Variants in ELOVL5 observed in about 807,000 individuals in gnomAD.
ELOVL5 encodes very long chain fatty acid elongase 5.
ELOVL5 carries 8 observed loss-of-function variants against 38.6 expected under a neutral mutation model. That is an observed-to-expected ratio of 0.21 (90% CI 0.12 to 0.37). The LOEUF (loss-of-function observed/expected upper bound fraction) is 0.37. Among genes scored for constraint, ELOVL5 ranks in the 10% least tolerant of loss-of-function variants. The pLI, the probability that ELOVL5 is intolerant of heterozygous loss-of-function variation, is 1.00. For synonymous variants in ELOVL5, 127 were observed against 133.7 expected (o/e 0.95, Z 0.34); for missense variants, 280 against 367.8 (o/e 0.76, Z 1.95).
intron 3 of ELOVL5, among the ~76,000 whole-genome samples, chr6:53,287,066 ATAAAAAT>A (rs530885782): frequency 5.8e-4 from 88 of 152,364 alleles, no homozygotes; most frequent in Admixed American, 1.5e-3. Context: ...ACAATTTAAA[ATAAAAAT>A]TGAAAAGGGG....
rs150971995 is a variant in ELOVL5, at chr6:53,278,501, T to C, written c.247-2245A>G. The stretch of plus-strand genomic sequence containing the variant: ...GTGGGATTGCCTTGACTCTTTAAAC[T>C]AGTTAACCTAACGTTCCATTTGCCC... On this transcript the variant is annotated intron_variant, in intron 3 of 7. Transcript: ENST00000304434. Among the ~76,000 whole-genome samples the C allele has an allele frequency of 2.0e-5, 3 of 152,328 alleles. No homozygotes were observed. In the East Asian group the frequency reaches 5.8e-4, roughly 29 times the overall value.
At chr6:53,304,640 G>A (rs907882691) in intron 1 of ELOVL5, among the ~76,000 whole-genome samples, 2 of 152,116 alleles carry the variant, frequency 1.3e-5, no homozygotes, top group Non-Finnish European at 2.9e-5. Flanking sequence ...CAACGAGCAT[G>A]CTGCCTTCAA....
chr6:53,276,083 TG>T, intron 4 of ELOVL5, 95 bp downstream of exon 4: 1 of 765,640 alleles, frequency 1.3e-6, no homozygotes, highest in Non-Finnish European at 2.2e-6. Flanking sequence ...AGGGATTGCC[TG>T]GGCAGTGAGG....
intron 1 of ELOVL5, among the ~76,000 whole-genome samples, chr6:53,308,053 A>G (rs1203786119): frequency 2.0e-5 from 3 of 152,172 alleles, no homozygotes; most frequent in Non-Finnish European, 4.4e-5. Flanking sequence ...TATTGCCTGA[A>G]TTCATATAGT....
intron 1 of ELOVL5, among the ~76,000 whole-genome samples, chr6:53,302,570 T>G (rs1290401970): frequency 6.6e-6 from 1 of 152,110 alleles, no homozygotes; most frequent in Non-Finnish European, 1.5e-5. Flanking sequence ...GTGACAAAGC[T>G]GCCCAGCAAA....
chr6:53,270,836 T>G, intron 6 of ELOVL5, 109 bp from the exon 7 acceptor site: 1 of 1,259,062 alleles, frequency 7.9e-7, no homozygotes, highest in Non-Finnish European at 1.1e-6. Context: ...TAACACTTAC[T>G]ACCCTTGCTG....
At chr6:53,269,324 G>GC in intron 7 of ELOVL5, 54 bp from the exon 8 acceptor site, 1 of 1,433,726 alleles carries the variant, frequency 7.0e-7, no homozygotes, top group Non-Finnish European at 9.4e-7. Context: ...TCTTTATAGG[G>GC]AACTTTACTG....
chr6:53,287,278 CTG>C (rs1581934088), intron 3 of ELOVL5, among the ~76,000 whole-genome samples: 2 of 152,328 alleles, frequency 1.3e-5, no homozygotes, highest in East Asian at 3.9e-4. Flanking sequence ...ATAATCTTGT[CTG>C]TAACCCATGA....
chr6:53,272,981 G>A (rs1306281612), intron 6 of ELOVL5, among the ~76,000 whole-genome samples: 1 of 152,180 alleles, frequency 6.6e-6, no homozygotes, highest in African/African-American at 2.4e-5. Flanking sequence ...ACTTGAAGTT[G>A]GCAAATTAGA....
chr6:53,305,310 C>T (rs1478573550), intron 1 of ELOVL5, among the ~76,000 whole-genome samples: 2 of 126,750 alleles, frequency 1.6e-5, no homozygotes, highest in South Asian at 2.7e-4. Context: ...CCGGACAGGG[C>T]GGCTGGCCGG....
intron 1 of ELOVL5, among the ~76,000 whole-genome samples, chr6:53,342,842 A>AGTT (rs1272758385): frequency 3.3e-5 from 5 of 152,228 alleles, no homozygotes; most frequent in Non-Finnish European, 7.3e-5. Context: ...TACTTCACAC[A>AGTT]GAACTGGCAG....
intron 2 of ELOVL5, chr6:53,294,478 AGAGCTGCT>A: frequency 6.5e-7 from 1 of 1,549,320 alleles, no homozygotes; most frequent in Non-Finnish European, 8.7e-7. Flanking sequence ...TTCTGAGGAC[AGAGCTGCT>A]GATACCTGGA....
intron 1 of ELOVL5, among the ~76,000 whole-genome samples, chr6:53,304,177 C>T (rs899156033): frequency 1.3e-5 from 2 of 152,302 alleles, no homozygotes; most frequent in Middle Eastern, 3.4e-3. Context: ...GGAGATACAC[C>T]TGTTATTACA....
At chr6:53,306,613 C>T (rs1019957263) in intron 1 of ELOVL5, among the ~76,000 whole-genome samples, 10 of 152,080 alleles carry the variant, frequency 6.6e-5, no homozygotes, top group African/African-American at 2.2e-4. Flanking sequence ...AAGAAATGTA[C>T]AGTCAAGTTC....
intron 1 of ELOVL5, among the ~76,000 whole-genome samples, chr6:53,335,314 G>A (rs1374996642): frequency 6.6e-6 from 1 of 152,140 alleles, no homozygotes; most frequent in East Asian, 1.9e-4. Flanking sequence ...GTGGCCCCAG[G>A]GCCCATGTGA....
chr6:53,339,884 A>G (rs1417733918), intron 1 of ELOVL5, among the ~76,000 whole-genome samples: 1 of 152,210 alleles, frequency 6.6e-6, no homozygotes, highest in Non-Finnish European at 1.5e-5. Flanking sequence ...ATTCCAGAAG[A>G]AGGCATTGTT....
At chr6:53,327,159 G>A (rs942222181) in intron 1 of ELOVL5, among the ~76,000 whole-genome samples, 4 of 152,084 alleles carry the variant, frequency 2.6e-5, no homozygotes, top group Non-Finnish European at 4.4e-5. Flanking sequence ...GCCTTCCCTA[G>A]TAGGCAATCT....
rs546012512 is a variant in ELOVL5, at chr6:53,314,157, T to C, written c.-8-18450A>G. ...AATTGGGTCCTAAGGTGATTACATT[T>C]TAGTGGAACTGCAAGGATTTTAGCA... On this transcript the variant is annotated intron_variant, in intron 1 of 7. Transcript: ENST00000304434. Among the ~76,000 whole-genome samples the C allele has an allele frequency of 3.9e-5, 6 of 152,388 alleles. No individual in the cohort carries two copies. In the East Asian group the frequency reaches 9.6e-4, roughly 24 times the overall value.
chr6:53,271,284 GCT>G (rs1401139431), intron 6 of ELOVL5, among the ~76,000 whole-genome samples: 6 of 151,862 alleles, frequency 4.0e-5, no homozygotes, highest in African/African-American at 1.2e-4. Context: ...GGGCGTGGTG[GCT>G]CACGCCTGTA....
Sources: gnomAD v4.1 joint callset for allele counts (sites outside exome capture counted in the v4.1 genomes callset) on GRCh38, gnomAD v4.1.1 for gene constraint, MANE v1.5 for transcripts, NCBI Gene and HGNC (gene_info 2026-07-23, HGNC 2026-07-21) for gene names.